The following NXPE2 variants were observed in gnomAD, a reference collection of about 807,000 sequenced individuals.
The protein encoded by NXPE2 is neurexophilin and PC-esterase domain family member 2, also known as NXPE family member 2.
In NXPE2, 34 loss-of-function variants were observed where a neutral mutation model predicts 34.4. The ratio of observed to expected loss-of-function variants is 0.99; its 90% CI spans 0.75 to 1.31. The LOEUF (loss-of-function observed/expected upper bound fraction) is 1.31. NXPE2 is among the 40% of genes most tolerant of loss of function. The pLI, the probability that NXPE2 is intolerant of heterozygous loss-of-function variation, is 0.00. For missense variants in NXPE2, 649 were observed against 672.5 expected (o/e 0.97, Z 0.39); for synonymous variants, 235 against 231.3 (o/e 1.02, Z -0.15).
At chr11:114,759,180 C>T in the NXPE2 span, among the ~76,000 whole-genome samples, 3 of 152,330 alleles carry the variant, frequency 2.0e-5, no homozygotes, top group African/African-American at 7.2e-5. Context: ...TGCTCAATTT[C>T]ACCCACACAG....
the NXPE2 span, among the ~76,000 whole-genome samples, chr11:114,547,421 T>A: frequency 1.3e-5 from 2 of 152,126 alleles, no homozygotes; most frequent in Admixed American, 1.3e-4. Flanking sequence ...ACAAGGAAAG[T>A]CTAAAGAGAA....
the NXPE2 span, among the ~76,000 whole-genome samples, chr11:114,764,220 T>C: frequency 6.6e-6 from 1 of 152,172 alleles, no homozygotes; most frequent in Non-Finnish European, 1.5e-5. Context: ...GGTTTGGGGA[T>C]AGCTAGATGT....
the NXPE2 span, among the ~76,000 whole-genome samples, chr11:114,662,949 A>G: frequency 2.3e-3 from 353 of 152,236 alleles, 2 homozygotes; most frequent in Non-Finnish European, 3.5e-3. Context: ...CTTGCTCTCT[A>G]TAAGTACCAG....
chr11:114,533,819 C>T, the NXPE2 span, among the ~76,000 whole-genome samples: 1 of 152,214 alleles, frequency 6.6e-6, no homozygotes. Context: ...CACCACAGCT[C>T]AAGGAGGCAT....
the NXPE2 span, among the ~76,000 whole-genome samples, chr11:114,501,024 A>G: frequency 1.3e-5 from 2 of 152,202 alleles, no homozygotes; most frequent in African/African-American, 4.8e-5. Context: ...TGAATTATTT[A>G]GGAATATGCT....
the NXPE2 span, among the ~76,000 whole-genome samples, chr11:114,494,877 G>A: frequency 1.3e-5 from 2 of 152,120 alleles, no homozygotes; most frequent in East Asian, 3.9e-4. Context: ...AGGGACTTGT[G>A]TGTTGTGATG....
the NXPE2 span, among the ~76,000 whole-genome samples, chr11:114,518,736 A>AGGAAG: frequency 6.6e-6 from 1 of 152,218 alleles, no homozygotes; most frequent in Non-Finnish European, 1.5e-5. Context: ...GGGAATAAAA[A>AGGAAG]GGAAGCTTTT....
Position 114,698,158 on chromosome 11 carries a change from T to C in NXPE2, c.246T>C (p.Leu82=). Residue 82 remains leucine, a synonymous_variant, in exon 3 of 6, where the codon CTT becomes CTC. Coordinates refer to ENST00000389586, the MANE Select transcript of NXPE2 (RefSeq NM_182495.6). The stretch of plus-strand genomic sequence containing the variant: ...CAGTTTCACCAAAAGAGACTGAACT[T>C]AGAATAAAGGACATTATGGAGAAAC... ...CPAVSPKETE[L]RIKDIMEKLD... is the part of the protein sequence containing the mutation. The C allele has an allele frequency of 6.2e-7, 1 of 1,614,134 alleles. No homozygotes were observed. The highest frequency in any genetic ancestry group is 2.2e-5 in the East Asian group (1 of 44,882).
chr11:114,572,004 C>T, the NXPE2 span, among the ~76,000 whole-genome samples: 6 of 152,192 alleles, frequency 3.9e-5, no homozygotes, highest in Admixed American at 1.3e-4. Flanking sequence ...CCACTTCACT[C>T]CCCTGCTAAC....
chr11:114,681,899 C>A (rs1038897849), intron 2 of NXPE2, among the ~76,000 whole-genome samples: 2 of 151,968 alleles, frequency 1.3e-5, no homozygotes, highest in Non-Finnish European at 2.9e-5. Context: ...TTAATAAGGT[C>A]AGAAAAAGAC....
chr11:114,810,105 TAATA>T, the NXPE2 span, among the ~76,000 whole-genome samples: 1 of 147,294 alleles, frequency 6.8e-6, no homozygotes, highest in South Asian at 2.2e-4. Flanking sequence ...ATTCCCTATT[TAATA>T]AATGGTGCTG....
the NXPE2 span, among the ~76,000 whole-genome samples, chr11:114,747,996 T>C: frequency 6.6e-6 from 1 of 152,168 alleles, no homozygotes; most frequent in Non-Finnish European, 1.5e-5. Context: ...GTGGCCATCA[T>C]TCTACTCTCC....
At chr11:114,793,550 G>T in the NXPE2 span, among the ~76,000 whole-genome samples, 1 of 152,200 alleles carries the variant, frequency 6.6e-6, no homozygotes, top group African/African-American at 2.4e-5. Flanking sequence ...CTTTGTGAAA[G>T]GCTTGTGGCT....
chr11:114,605,805 T>A, the NXPE2 span, among the ~76,000 whole-genome samples: 2 of 150,856 alleles, frequency 1.3e-5, no homozygotes, highest in Non-Finnish European at 3.0e-5. Flanking sequence ...CCTCTAGGGT[T>A]ACCACTGTTA....
At chr11:114,619,355 C>T in the NXPE2 span, among the ~76,000 whole-genome samples, 56 of 150,996 alleles carry the variant, frequency 3.7e-4, no homozygotes, top group African/African-American at 1.2e-3. Context: ...CACTGTTACC[C>T]GGTAGATAAT....
At chr11:114,807,058 C>A in the NXPE2 span, among the ~76,000 whole-genome samples, 1 of 151,866 alleles carries the variant, frequency 6.6e-6, no homozygotes, top group Non-Finnish European at 1.5e-5. Context: ...AAGAAAAGAA[C>A]TTTCAACCCA....
the NXPE2 span, among the ~76,000 whole-genome samples, chr11:114,717,128 G>A: frequency 3.3e-5 from 5 of 152,230 alleles, no homozygotes; most frequent in South Asian, 8.3e-4. Flanking sequence ...TTAGACTGAC[G>A]TACCTGGTTA....
chr11:114,490,604 G>A, the NXPE2 span, among the ~76,000 whole-genome samples: 2 of 152,196 alleles, frequency 1.3e-5, no homozygotes, highest in Non-Finnish European at 2.9e-5. Context: ...GATGGGGAAA[G>A]GATTCCCTAT....
chr11:114,796,648 C>T, the NXPE2 span, among the ~76,000 whole-genome samples: 3 of 152,338 alleles, frequency 2.0e-5, no homozygotes, highest in Admixed American at 6.5e-5. Flanking sequence ...CCCACAAGAA[C>T]CTAATGAGTG....
Sources: allele counts gnomAD v4.1 joint callset (sites outside exome capture counted in the v4.1 genomes callset), GRCh38; gene constraint gnomAD v4.1.1; transcripts MANE v1.5; gene names NCBI Gene and HGNC (gene_info 2026-07-23, HGNC 2026-07-21).